The following TSPEAR variants were observed in gnomAD, a reference collection of about 807,000 sequenced individuals.
The protein encoded by TSPEAR is thrombospondin type laminin G domain and EAR repeats.
In TSPEAR, 69 loss-of-function variants were observed where a neutral mutation model predicts 71.6. The observed-to-expected ratio is 0.96, with a 90% CI of 0.79 to 1.18. The LOEUF is 1.18. Among genes scored for constraint, TSPEAR ranks in the 50% most tolerant of loss-of-function variants. TSPEAR has a pLI of 0.00. For missense variants in TSPEAR, 971 were observed against 894.9 expected (o/e 1.09, Z -1.09); for synonymous variants, 402 against 387.2 (o/e 1.04, Z -0.45).
chr21:44,588,734 A>G (rs78201181), intron 1 of TSPEAR, among the ~76,000 whole-genome samples: 205 of 75,648 alleles, frequency 2.7e-3, no homozygotes, highest in Admixed American at 7.1e-3. Flanking sequence ...GTGTGTATAT[A>G]TGTATATATA....
chr21:44,670,486 G>C (rs73233095), intron 1 of TSPEAR, among the ~76,000 whole-genome samples: 5,993 of 152,278 alleles, frequency 0.039, 130 homozygotes, highest in Middle Eastern at 0.085. Flanking sequence ...GAAGGCAAGG[G>C]AAGGGAGGCA....
At chr21:44,601,297 C>T (rs782643659) in intron 1 of TSPEAR, 2 of 1,611,682 alleles carry the variant, frequency 1.2e-6, no homozygotes, top group Admixed American at 3.3e-5. Context: ...CCCTTGCCAG[C>T]AGGCCTGCTG....
chr21:44,659,161 G>C (rs781919009), intron 1 of TSPEAR, among the ~76,000 whole-genome samples: 1 of 152,120 alleles, frequency 6.6e-6, no homozygotes, highest in Non-Finnish European at 1.5e-5. Context: ...AGCTCAATAA[G>C]CAACGTCAGC....
chr21:44,572,747 C>T lies in TSPEAR; in HGVS notation c.83-4742G>A, dbSNP rs782309148. Among the ~76,000 whole-genome samples, 35 of 151,396 alleles carry T rather than the reference C, an allele frequency of 2.3e-4. No individual in the cohort carries two copies. The Middle Eastern group carries it at 0.01, about 44-fold the overall frequency. ...ATGTGACCCTATATGGAAATAGGGT[C>T]TTTGTAGGTGATCAAGTTAAGAGGA... is the stretch of plus-strand genomic sequence containing the variant. On this transcript the variant is annotated intron_variant, in intron 1 of 11. Transcript: ENST00000323084.
At chr21:44,680,167 A>G (rs1278445296) in intron 1 of TSPEAR, among the ~76,000 whole-genome samples, 2 of 152,246 alleles carry the variant, frequency 1.3e-5, no homozygotes, top group African/African-American at 4.8e-5. Flanking sequence ...CAGAATATGT[A>G]AGGAACTCAA....
At position 44,695,238 on chromosome 21, in the gene TSPEAR, T is replaced by C. The variant is rs1987280954; in HGVS notation, c.82+16195A>G. 6.6e-6 allele frequency among the ~76,000 whole-genome samples: 1 copy of C among 152,180 alleles called. No homozygotes were observed. The highest frequency in any genetic ancestry group is 2.4e-5 in the African/African-American group (1 of 41,442). ...GGGCATTCACACTCTCCTGGTCCTG[T>C]CCTGGCACCTTTGCTCCCACTGGAC... On this transcript the variant is annotated intron_variant, in intron 1 of 11. Transcript: ENST00000323084. The surrounding 1 kb of genome is among the most constrained non-coding windows in gnomAD (Gnocchi z 4.5).
chr21:44,594,822 A>ATTTTTTTT lies in TSPEAR; in HGVS notation c.83-26825_83-26818dup, dbSNP rs34221889. ...TTTTTTCCAAACTTACGGATCTGTG[A>ATTTTTTTT]TTTTTTTTTTTTTTTTTTGAGATGC... On this transcript the variant is annotated intron_variant, in intron 1 of 11. Transcript: ENST00000323084. Among the ~76,000 whole-genome samples, 36 of 125,516 alleles carry ATTTTTTTT rather than the reference A, an allele frequency of 2.9e-4. 1 individual carries two copies. Among genetic ancestry groups the ATTTTTTTT allele is most frequent in the African/African-American group, 8.2e-4 (26 of 31,808 alleles). The allele number at this position is 125,516 out of a possible 152,430, so 82.3% of individuals were successfully genotyped here. A position where few individuals can be genotyped will look rare whatever the true frequency, so the allele number is the denominator to read the frequency against.
chr21:44,525,156 A>G (rs1230337093), intron 8 of TSPEAR, among the ~76,000 whole-genome samples: 3 of 141,076 alleles, frequency 2.1e-5, no homozygotes, highest in Non-Finnish European at 4.6e-5. Flanking sequence ...TCAGGTAGTT[A>G]GTCAGTCAGT....
rs1261585477 is a variant in TSPEAR, at chr21:44,499,677, C to T, written c.*106G>A. 3.2e-6 allele frequency: 4 copies of T among 1,253,920 alleles called. No homozygotes were observed. Among genetic ancestry groups the T allele is most frequent in the Non-Finnish European group, 3.2e-6 (3 of 940,564 alleles). 77.7% of individuals were successfully genotyped at this position (1,253,920 alleles called of 1,614,324 possible). A position where few individuals can be genotyped will look rare whatever the true frequency, so the allele number is the denominator to read the frequency against. Reference sequence around the variant, plus strand: ...CTGCACCCTGCCTGATGCCCAGGCCCGGGATGCCCTAGGCTGGGCCCACCT... The same window carrying T: ...CTGCACCCTGCCTGATGCCCAGGCCTGGGATGCCCTAGGCTGGGCCCACCT... On this transcript the variant is annotated 3_prime_UTR_variant, in exon 12 of 12. Coordinates refer to ENST00000323084, the MANE Select transcript of TSPEAR (RefSeq NM_144991.3).
rs114230571 is a variant in TSPEAR at position 44,702,507 on chromosome 21, C to T, written c.82+8926G>A. The T allele has an allele frequency of 5.6e-3, 8,970 of 1,608,530 alleles. 309 individuals carry two copies. The African/African-American group carries it at 0.085, about 15-fold the overall frequency. ...GCTGCAAGCCTGTCTGTTGCAAGCC[C>T]GTCTGCTGTGTGCCTGTCTGCTCTG... On this transcript the variant is annotated intron_variant, in intron 1 of 11. Transcript: ENST00000323084.
chr21:44,548,526 G>A (rs1555918038), intron 2 of TSPEAR, among the ~76,000 whole-genome samples: 1 of 152,208 alleles, frequency 6.6e-6, no homozygotes, highest in East Asian at 1.9e-4. Flanking sequence ...GTGGGACCAC[G>A]TCCAAACCAG....
intron 1 of TSPEAR, among the ~76,000 whole-genome samples, chr21:44,701,103 C>T (rs1408734076): frequency 6.6e-6 from 1 of 152,164 alleles, no homozygotes; most frequent in East Asian, 1.9e-4. Flanking sequence ...GATTAGATTG[C>T]TGATTAAGAT....
chr21:44,635,681 G>A (rs1179549907), intron 1 of TSPEAR, among the ~76,000 whole-genome samples: 6 of 152,182 alleles, frequency 3.9e-5, no homozygotes, highest in Non-Finnish European at 7.3e-5. Flanking sequence ...TAATAGTACC[G>A]GGGTTCCTTC....
At chr21:44,654,302 T>C in intron 1 of TSPEAR, 1 of 1,613,752 alleles carries the variant, frequency 6.2e-7, no homozygotes, top group Non-Finnish European at 8.5e-7. Context: ...GTGCTCCAGG[T>C]GACAGGTCTA....
intron 1 of TSPEAR, among the ~76,000 whole-genome samples, chr21:44,683,201 T>G (rs1986693733): frequency 6.8e-6 from 1 of 146,684 alleles, no homozygotes; most frequent in East Asian, 2.0e-4. Context: ...AGATACAGAG[T>G]GTTCCAAGTT....
At chr21:44,685,303 C>T (rs181039092) in intron 1 of TSPEAR, among the ~76,000 whole-genome samples, 193 of 152,232 alleles carry the variant, frequency 1.3e-3, no homozygotes, top group African/African-American at 4.5e-3. Flanking sequence ...TAGAATAAAG[C>T]GCTGTGGCCA....
chr21:44,520,106 T>G lies in TSPEAR; in HGVS notation c.1566+1777A>C, dbSNP rs1318890792. The G allele has an allele frequency of 1.3e-5, 2 of 152,386 alleles. No individual in the cohort carries two copies. Among genetic ancestry groups the G allele is most frequent in the African/African-American group, 4.8e-5 (2 of 41,442 alleles). The allele number at this position is 152,386 out of a possible 1,614,324, so 9.4% of individuals were successfully genotyped here. A position where few individuals can be genotyped will look rare whatever the true frequency, so the allele number is the denominator to read the frequency against. ...ACTAGCGAGCTCAAGGTGTGTTCCT[T>G]CTGGCACTGCTGCCTCCTCACCTGG... On this transcript the variant is annotated intron_variant, in intron 9 of 11. Transcript: ENST00000323084. The surrounding 1 kb of genome is among the most constrained non-coding windows in gnomAD (Gnocchi z 4.2).
rs144708564 is a variant in TSPEAR, at chr21:44,600,558, G to A, written c.83-32553C>T. On this transcript the variant is annotated intron_variant, in intron 1 of 11. Coordinates refer to ENST00000323084, the MANE Select transcript of TSPEAR (RefSeq NM_144991.3). ...CAACATCCCTGAGCACCTAACACAC[G>A]GACTCACTCACTCATTCACTCACTC... 1.8e-4 allele frequency: 281 copies of A among 1,544,306 alleles called. No individual in the cohort carries two copies. The East Asian group carries it at 4.3e-3, about 24-fold the overall frequency.
At chr21:44,690,921 A>G (rs113130241) in intron 1 of TSPEAR, among the ~76,000 whole-genome samples, 10 of 152,174 alleles carry the variant, frequency 6.6e-5, no homozygotes, top group African/African-American at 2.4e-4. Context: ...CTCTTTTCAA[A>G]ATATTTTAAA....
Sources: allele counts gnomAD v4.1 joint callset (sites outside exome capture counted in the v4.1 genomes callset), GRCh38; gene constraint gnomAD v4.1.1; non-coding constraint Gnocchi (gnomAD v3.1); transcripts MANE v1.5; gene names NCBI Gene and HGNC (gene_info 2026-07-23, HGNC 2026-07-21).